Variants in MAGI3 observed in about 807,000 individuals in gnomAD.
MAGI3 encodes membrane associated guanylate kinase, WW and PDZ domain containing 3, also known as membrane-associated guanylate kinase, WW and PDZ domain-containing protein 3.
In MAGI3, 43 loss-of-function variants were observed where a neutral mutation model predicts 121.8. The observed-to-expected ratio is 0.35, with a 90% CI of 0.28 to 0.46. The LOEUF (loss-of-function observed/expected upper bound fraction) is 0.46, where lower values mean the gene tolerates loss of function less well. MAGI3 is among the 20% of genes least tolerant of loss of function. MAGI3 has a pLI of 1.00. For synonymous variants in MAGI3, 553 were observed against 639.3 expected (o/e 0.86, Z 2.04); for missense variants, 1,547 against 1,797.3 (o/e 0.86, Z 2.52).
chr1:113,414,950 T>C (rs1410835911), intron 1 of MAGI3, among the ~76,000 whole-genome samples: 1 of 152,076 alleles, frequency 6.6e-6, no homozygotes, highest in African/African-American at 2.4e-5. Context: ...CCTGTAACAC[T>C]AATTCCAATT....
intron 1 of MAGI3, among the ~76,000 whole-genome samples, chr1:113,437,882 T>C (rs1477831052): frequency 0.099 from 237 of 2,404 alleles, 5 homozygotes; most frequent in Middle Eastern, 0.67. Flanking sequence ...CTTCTTCTCC[T>C]TCTCCTTCTC....
chr1:113,673,398 A>T lies in MAGI3; in HGVS notation c.3122A>T (p.Tyr1041Phe). ...TTCAGCCTCCGAGGGGGGAAGGAGT[A>T]CAACATGGGGCTGTTCATCCTTCGT... ...FGFSLRGGKEYNMGLFILRLA... is the reference protein window; with the variant it reads ...FGFSLRGGKEFNMGLFILRLA... The change falls in exon 19 of 21, where the codon TAC (tyrosine) becomes TTC (phenylalanine). Residue 1041 changes from tyrosine (Y) to phenylalanine (F), a missense_variant. Physicochemically the swap from Tyr to Phe is conservative, Grantham distance 22. Transcript: ENST00000307546. The T allele has an allele frequency of 1.2e-6, 2 of 1,612,608 alleles. No homozygotes were observed. The highest frequency in any genetic ancestry group is 1.1e-5 in the South Asian group (1 of 90,748).
intron 11 of MAGI3, among the ~76,000 whole-genome samples, chr1:113,644,172 C>T (rs369528780): frequency 5.3e-5 from 8 of 152,230 alleles, no homozygotes; most frequent in African/African-American, 1.7e-4. Flanking sequence ...GAAGAGAAGA[C>T]GTACTAGTTC....
intron 1 of MAGI3, among the ~76,000 whole-genome samples, chr1:113,394,891 A>G (rs1180093073): frequency 6.6e-6 from 1 of 152,104 alleles, no homozygotes; most frequent in Non-Finnish European, 1.5e-5. Flanking sequence ...GTAATGTTAA[A>G]GGTAGGTAAA....
intron 9 of MAGI3, among the ~76,000 whole-genome samples, chr1:113,625,496 A>AT (rs1388047525): frequency 9.9e-5 from 15 of 152,022 alleles, no homozygotes; most frequent in Non-Finnish European, 2.2e-4. Flanking sequence ...TCTTTTTCAG[A>AT]TTGTTCACTG....
chr1:113,673,976 A>G (rs1237783491), intron 19 of MAGI3, among the ~76,000 whole-genome samples: 2 of 152,284 alleles, frequency 1.3e-5, no homozygotes, highest in African/African-American at 2.4e-5. Flanking sequence ...TCCATCATAG[A>G]TGTTCTCAAC....
chr1:113,424,625 C>A (rs1414986029), intron 1 of MAGI3, among the ~76,000 whole-genome samples: 1 of 152,144 alleles, frequency 6.6e-6, no homozygotes, highest in Non-Finnish European at 1.5e-5. Flanking sequence ...TTGCATGTAG[C>A]AATTATACCA....
At chr1:113,570,759 T>A (rs2101702761) in intron 2 of MAGI3, among the ~76,000 whole-genome samples, 2 of 151,132 alleles carry the variant, frequency 1.3e-5, no homozygotes, top group South Asian at 4.2e-4. Context: ...TTCATGTAAA[T>A]TTGTTTAAGT....
intron 1 of MAGI3, among the ~76,000 whole-genome samples, chr1:113,441,759 C>A (rs912580167): frequency 6.6e-6 from 1 of 152,064 alleles, no homozygotes; most frequent in African/African-American, 2.4e-5. Context: ...CCTGATTAGT[C>A]CCTCTATAAT....
intron 2 of MAGI3, among the ~76,000 whole-genome samples, chr1:113,552,071 T>C (rs1659811225): frequency 6.6e-6 from 1 of 152,184 alleles, no homozygotes. Flanking sequence ...CCTACTTTTT[T>C]TGATAGTTGG....
At chr1:113,646,264 T>G (rs1352658213) in intron 11 of MAGI3, among the ~76,000 whole-genome samples, 1 of 152,162 alleles carries the variant, frequency 6.6e-6, no homozygotes, top group Non-Finnish European at 1.5e-5. Flanking sequence ...GCTCTTCAGT[T>G]GATATTACTA....
intron 1 of MAGI3, among the ~76,000 whole-genome samples, chr1:113,490,372 G>A (rs1656611245): frequency 6.6e-6 from 1 of 152,182 alleles, no homozygotes; most frequent in Non-Finnish European, 1.5e-5. Context: ...CCTTACAAGA[G>A]CCCCTGAAAG....
At chr1:113,649,090 C>T (rs754672503) in intron 12 of MAGI3, 147 bp from the exon 13 acceptor site, 5 of 552,750 alleles carry the variant, frequency 9.0e-6, no homozygotes, top group Non-Finnish European at 1.6e-5. Flanking sequence ...GTGTGTGTTA[C>T]ACTCTTGTGC....
intron 9 of MAGI3, 90 bp downstream of exon 9, chr1:113,623,084 TAATTA>T: frequency 1.2e-6 from 1 of 823,810 alleles, no homozygotes; most frequent in Non-Finnish European, 1.7e-6. Flanking sequence ...GAGAGAGAAA[TAATTA>T]AATTATATAA....
chr1:113,419,059 CTTGT>C (rs1652600572), intron 1 of MAGI3, among the ~76,000 whole-genome samples: 2 of 151,980 alleles, frequency 1.3e-5, no homozygotes, highest in Admixed American at 6.6e-5. Flanking sequence ...TAATGCAGTA[CTTGT>C]TTAATTGATT....
At position 113,610,762 on chromosome 1, in the gene MAGI3, C is replaced by A. The variant is rs146271181; in HGVS notation, c.1019-3839C>A. Among the ~76,000 whole-genome samples the A allele has an allele frequency of 5.0e-3, 763 of 152,074 alleles. 4 individuals are homozygous for A. The highest frequency in any genetic ancestry group is 0.018 in the African/African-American group (736 of 41,498). The stretch of plus-strand genomic sequence containing the variant: ...ACCATCCTGGCCAACATGGTAAAAC[C>A]CTGTCTACTAAAATACAAAAAATTA... On this transcript the variant is annotated intron_variant, in intron 6 of 20. Transcript: ENST00000307546.
At chr1:113,682,418 T>G (rs780469487) in intron 20 of MAGI3, 63 of 1,407,850 alleles carry the variant, frequency 4.5e-5, no homozygotes, top group Non-Finnish European at 5.8e-5. Flanking sequence ...CTTTTGACAT[T>G]AAATTTGACA....
chr1:113,503,264 A>T (rs1368165956), intron 1 of MAGI3, among the ~76,000 whole-genome samples: 2 of 84,198 alleles, frequency 2.4e-5, no homozygotes, highest in African/African-American at 5.1e-5. Context: ...AAAAGATCAC[A>T]CCACTGCACT....
At chr1:113,680,474 A>G (rs1231112481) in intron 19 of MAGI3, among the ~76,000 whole-genome samples, 1 of 152,184 alleles carries the variant, frequency 6.6e-6, no homozygotes, top group African/African-American at 2.4e-5. Context: ...AATCCTACAC[A>G]GGGCCGGGCG....
Sources: gnomAD v4.1 joint callset for allele counts (sites outside exome capture counted in the v4.1 genomes callset) on GRCh38, gnomAD v4.1.1 for gene constraint, MANE v1.5 for transcripts, NCBI Gene and HGNC (gene_info 2026-07-23, HGNC 2026-07-21) for gene names.